Variants in FHIP1A observed in about 807,000 individuals in gnomAD.
FHIP1A encodes FHF complex subunit HOOK-interacting protein 1A.
FHIP1A carries 61 observed loss-of-function variants against 88.6 expected under a neutral mutation model. The observed-to-expected ratio is 0.69, with a 90% CI of 0.56 to 0.85. The LOEUF is 0.85. FHIP1A is among the 40% of genes least tolerant of loss of function. The pLI, the probability that FHIP1A is intolerant of heterozygous loss-of-function variation, is 0.00. For missense variants in FHIP1A, 1,154 were observed against 1,273.5 expected (o/e 0.91, Z 1.43); for synonymous variants, 478 against 496.0 (o/e 0.96, Z 0.48).
rs76872447 is a variant in FHIP1A, at chr4:151,555,904, A to T, written c.-122-10234A>T. 2.2e-3 allele frequency among the ~76,000 whole-genome samples: 338 copies of T among 152,274 alleles called. 11 individuals are homozygous for T. In the East Asian group the frequency reaches 0.058, roughly 26 times the overall value. On this transcript the variant is annotated intron_variant, in intron 3 of 13. Transcript: ENST00000435205. ...TTAGACTAAAGAAGATGTCATTGTG[A>T]TATAATCATATAAAATATTTAATTC...
At chr4:151,547,854 C>T (rs1732565343) in intron 3 of FHIP1A, among the ~76,000 whole-genome samples, 1 of 151,632 alleles carries the variant, frequency 6.6e-6, no homozygotes, top group Admixed American at 6.6e-5. Context: ...GTAGAGGTTG[C>T]AGTGAGCCGA....
chr4:151,577,476 C>T lies in FHIP1A; in HGVS notation c.132C>T (p.Asp44=). 6.5e-7 allele frequency: 1 copy of T among 1,542,896 alleles called. No homozygotes were observed. Among genetic ancestry groups the T allele is most frequent in the South Asian group, 1.2e-5 (1 of 83,134 alleles). The change falls in exon 5 of 14, where the codon GAC becomes GAT. Residue 44 remains aspartate (D), a synonymous_variant. Transcript: ENST00000435205. ...TTGTGAAAATCTTGGAGAAGCACGA[C>T]CCCTTGAAGAACACCCAGGCAAAAT... ...AQVVKILEKH[D]PLKNTQAKYG... is the part of the protein sequence containing the mutation.
At chr4:151,587,493 TTTTC>T (rs1322128372) in intron 6 of FHIP1A, among the ~76,000 whole-genome samples, 2 of 140,522 alleles carry the variant, frequency 1.4e-5, no homozygotes, top group Admixed American at 7.2e-5. Flanking sequence ...AGAAATCAAG[TTTTC>T]TTTCTTTTTT....
At chr4:151,550,534 G>A (rs935460384) in intron 3 of FHIP1A, among the ~76,000 whole-genome samples, 2 of 152,140 alleles carry the variant, frequency 1.3e-5, no homozygotes, top group African/African-American at 2.4e-5. Context: ...ATTAAAGATG[G>A]AATATTAGAA....
At chr4:151,652,252 A>C (rs1283613366) in intron 11 of FHIP1A, among the ~76,000 whole-genome samples, 2 of 152,190 alleles carry the variant, frequency 1.3e-5, no homozygotes, top group Non-Finnish European at 2.9e-5. Flanking sequence ...ACATACTACA[A>C]GCTCTTTGAT....
chr4:151,622,298 A>G (rs756159905), intron 7 of FHIP1A, among the ~76,000 whole-genome samples: 7 of 152,182 alleles, frequency 4.6e-5, no homozygotes, highest in Non-Finnish European at 4.4e-5. Context: ...GGTACAATTT[A>G]AATTACAGCA....
chr4:151,417,167 C>T (rs906665970), intron 1 of FHIP1A, among the ~76,000 whole-genome samples: 6 of 152,122 alleles, frequency 3.9e-5, no homozygotes, highest in East Asian at 1.9e-4. Flanking sequence ...TTATTGAAAG[C>T]GAAAGCACAC....
At chr4:151,529,633 C>T (rs922117055) in intron 3 of FHIP1A, among the ~76,000 whole-genome samples, 2 of 152,118 alleles carry the variant, frequency 1.3e-5, no homozygotes. Flanking sequence ...AGGCTGCCCC[C>T]GAGCAGTGGT....
intron 1 of FHIP1A, among the ~76,000 whole-genome samples, chr4:151,442,722 T>C (rs1323789092): frequency 1.3e-5 from 2 of 152,142 alleles, no homozygotes; most frequent in African/African-American, 4.8e-5. Context: ...AGGATTTACA[T>C]GGTACAAATT....
intron 1 of FHIP1A, among the ~76,000 whole-genome samples, chr4:151,453,161 G>A (rs774805852): frequency 1.3e-5 from 2 of 151,600 alleles, no homozygotes; most frequent in East Asian, 2.0e-4. Flanking sequence ...GATTACAGGC[G>A]CCTTCCACCA....
intron 3 of FHIP1A, among the ~76,000 whole-genome samples, chr4:151,527,911 ACCT>A (rs945770082): frequency 2.3e-5 from 3 of 129,358 alleles, no homozygotes; most frequent in Non-Finnish European, 3.6e-5. Context: ...ACTGCTTATC[ACCT>A]TGGGCTATTG....
At chr4:151,539,562 T>TAA (rs1215200409) in intron 3 of FHIP1A, among the ~76,000 whole-genome samples, 85 of 102,554 alleles carry the variant, frequency 8.3e-4, no homozygotes, top group Admixed American at 2.1e-3. Context: ...AGACTCTGTC[T>TAA]AAAAAAAAAA....
At chr4:151,448,979 T>C (rs79814051) in intron 1 of FHIP1A, among the ~76,000 whole-genome samples, 1,772 of 152,330 alleles carry the variant, frequency 0.012, 27 homozygotes, top group African/African-American at 0.041. Flanking sequence ...CTGGTTAGTC[T>C]GTCTCATGGT....
At chr4:151,515,612 A>G (rs1731204184) in intron 3 of FHIP1A, among the ~76,000 whole-genome samples, 1 of 152,218 alleles carries the variant, frequency 6.6e-6, no homozygotes, top group African/African-American at 2.4e-5. Flanking sequence ...AAGTCTCAGG[A>G]TACAAAATCA....
intron 2 of FHIP1A, among the ~76,000 whole-genome samples, chr4:151,478,344 C>CT (rs1444657005): frequency 6.6e-6 from 1 of 152,118 alleles, no homozygotes; most frequent in African/African-American, 2.4e-5. Context: ...GAAGACATGC[C>CT]TAGCCTCATT....
intron 1 of FHIP1A, among the ~76,000 whole-genome samples, chr4:151,426,059 G>A (rs1334038997): frequency 6.6e-6 from 1 of 152,040 alleles, no homozygotes; most frequent in Non-Finnish European, 1.5e-5. Context: ...TAATTTTTCT[G>A]CCTATCTTTA....
intron 8 of FHIP1A, among the ~76,000 whole-genome samples, chr4:151,632,112 A>G (rs564488960): frequency 2.0e-5 from 3 of 152,196 alleles, no homozygotes; most frequent in East Asian, 1.9e-4. Flanking sequence ...AATATATCCT[A>G]TGCAAATGGT....
intron 3 of FHIP1A, among the ~76,000 whole-genome samples, chr4:151,541,255 A>G (rs2126727878): frequency 6.6e-6 from 1 of 152,336 alleles, no homozygotes; most frequent in African/African-American, 2.4e-5. Context: ...ACAGACTTGT[A>G]TTTGCTAATA....
chr4:151,427,551 G>A (rs1055843284), intron 1 of FHIP1A, among the ~76,000 whole-genome samples: 2 of 152,028 alleles, frequency 1.3e-5, no homozygotes, highest in African/African-American at 2.4e-5. Context: ...TAGACTTTTT[G>A]TGGTATATGT....
Sources: allele counts gnomAD v4.1 joint callset (sites outside exome capture counted in the v4.1 genomes callset), GRCh38; gene constraint gnomAD v4.1.1; transcripts MANE v1.5; gene names NCBI Gene and HGNC (gene_info 2026-07-23, HGNC 2026-07-21).